Variants in DOCK2 observed in about 807,000 individuals in gnomAD.
DOCK2 encodes the protein dedicator of cytokinesis 2, also known as dedicator of cytokinesis protein 2.
DOCK2 carries 87 observed loss-of-function variants against 248.9 expected under a neutral mutation model. That is an observed-to-expected ratio of 0.35 (90% CI 0.29 to 0.42). DOCK2 has a LOEUF of 0.42. Ranked by LOEUF, DOCK2 falls within the 10% of genes least tolerant of loss-of-function variation. The pLI is 1.00. For missense variants in DOCK2, 1,747 were observed against 2,300.2 expected (o/e 0.76, Z 4.92); for synonymous variants, 805 against 821.6 (o/e 0.98, Z 0.35).
intron 27 of DOCK2, among the ~76,000 whole-genome samples, chr5:169,924,556 G>C (rs1012163799): frequency 6.6e-6 from 1 of 152,140 alleles, no homozygotes; most frequent in African/African-American, 2.4e-5. Flanking sequence ...TAGCAATTTA[G>C]ACTCTCACTG....
rs1006463335 is a variant in DOCK2 at position 169,882,421 on chromosome 5, G to A, written c.2799+41569G>A. 4.1e-5 allele frequency: 30 copies of A among 726,196 alleles called. No homozygotes were observed. The African/African-American group carries it at 5.0e-4, about 12-fold the overall frequency. The allele number at this position is 726,196 out of a possible 1,614,324, so 45.0% of individuals were successfully genotyped here. A position where few individuals can be genotyped will look rare whatever the true frequency, so the allele number is the denominator to read the frequency against. On this transcript the variant is annotated intron_variant, in intron 27 of 51. Coordinates refer to ENST00000520908, the MANE Select transcript of DOCK2 (RefSeq NM_004946.3). Reference sequence around the variant, plus strand: ...AGAGAAAAGGGAGGTCTGTGGTTATGATTTGGAGAAACAACAGTGCTTCAA... The same window carrying A: ...AGAGAAAAGGGAGGTCTGTGGTTATAATTTGGAGAAACAACAGTGCTTCAA...
At chr5:169,866,482 G>C (rs72842505) in intron 27 of DOCK2, among the ~76,000 whole-genome samples, 1 of 152,126 alleles carries the variant, frequency 6.6e-6, no homozygotes, top group Non-Finnish European at 1.5e-5. Context: ...TATACAACAC[G>C]CAGCATAGAG....
At position 170,019,054 on chromosome 5, in the gene DOCK2, A is replaced by G; in HGVS notation, c.3327A>G (p.Pro1109=). The G allele has an allele frequency of 6.2e-7, 1 of 1,614,088 alleles. No individual in the cohort carries two copies. Among genetic ancestry groups the G allele is most frequent in the Non-Finnish European group, 8.5e-7 (1 of 1,179,974 alleles). Residue 1109 remains proline, a synonymous_variant, in exon 33 of 52, where the codon CCA becomes CCG. Coordinates refer to ENST00000520908, the MANE Select transcript of DOCK2 (RefSeq NM_004946.3). ...CTGAGCTCCGGAAAGCCACCATACC[A>G]ATCTTCTTCGACATGATGCTGTGTG... ...PEAELRKATI[P]IFFDMMLCEY...
intron 27 of DOCK2, chr5:169,875,181 T>TA (rs1581337504): frequency 2.2e-6 from 1 of 454,194 alleles, no homozygotes; most frequent in East Asian, 7.0e-5. Context: ...CCTGATTTTT[T>TA]ACCTAAAAAA....
chr5:169,959,838 TACA>T (rs1414976237), intron 27 of DOCK2, among the ~76,000 whole-genome samples: 2 of 152,032 alleles, frequency 1.3e-5, no homozygotes, highest in African/African-American at 4.8e-5. Flanking sequence ...AAATAGGAAA[TACA>T]ACAATAGGAT....
At chr5:169,895,939 TC>T (rs1773573651) in intron 27 of DOCK2, among the ~76,000 whole-genome samples, 1 of 152,180 alleles carries the variant, frequency 6.6e-6, no homozygotes, top group Non-Finnish European at 1.5e-5. Flanking sequence ...CCTGGAGATG[TC>T]CCCGATTACC....
intron 39 of DOCK2, 149 bp downstream of exon 39, chr5:170,046,054 C>A: frequency 1.4e-6 from 1 of 692,558 alleles, no homozygotes; most frequent in Non-Finnish European, 2.5e-6. Context: ...AGAGGCTGTA[C>A]TGAGCATCTC....
At chr5:169,720,574 G>T (rs1762141007) in intron 22 of DOCK2, among the ~76,000 whole-genome samples, 2 of 152,032 alleles carry the variant, frequency 1.3e-5, no homozygotes, top group African/African-American at 4.8e-5. Flanking sequence ...AATCCTCAAG[G>T]GTTCTGAGCT....
intron 25 of DOCK2, among the ~76,000 whole-genome samples, chr5:169,770,290 C>CTTTTTTT (rs60938799): frequency 9.8e-5 from 10 of 101,634 alleles, no homozygotes; most frequent in African/African-American, 1.6e-4. Context: ...ATTCTTGAGT[C>CTTTTTTT]TTTTTTTTTT....
At chr5:169,701,408 GT>G (rs1307870490) in intron 13 of DOCK2, among the ~76,000 whole-genome samples, 1 of 152,138 alleles carries the variant, frequency 6.6e-6, no homozygotes, top group Non-Finnish European at 1.5e-5. Context: ...TTGTCTGGCG[GT>G]TGTCTCCTAG....
At chr5:169,807,833 CA>C (rs61670398) in intron 26 of DOCK2, among the ~76,000 whole-genome samples, 3,102 of 24,016 alleles carry the variant, frequency 0.13, 22 homozygotes, top group Middle Eastern at 0.27. Flanking sequence ...GACTCTGTCT[CA>C]AAAAAAAAAA....
rs377408888 is a variant in DOCK2 at position 169,923,123 on chromosome 5, A to G, written c.2800-59945A>G. ...GATTGTGCCTAGGCTCTCAGGCTCCAAGGCCTATGCTCCTCACCTCTGTGC... is the reference window on the plus strand; with the variant it reads ...GATTGTGCCTAGGCTCTCAGGCTCCGAGGCCTATGCTCCTCACCTCTGTGC... On this transcript the variant is annotated intron_variant, in intron 27 of 51. Coordinates refer to ENST00000520908, the MANE Select transcript of DOCK2 (RefSeq NM_004946.3). Among the ~76,000 whole-genome samples, 567 of 152,262 alleles carry G rather than the reference A, an allele frequency of 3.7e-3. 34 individuals are homozygous for G. The South Asian group carries it at 0.11, about 29-fold the overall frequency.
At chr5:169,714,590 G>A (rs188911419) in intron 19 of DOCK2, 133 bp downstream of exon 19, 16 of 894,560 alleles carry the variant, frequency 1.8e-5, no homozygotes, top group South Asian at 1.6e-4. Context: ...ACACTCTCCC[G>A]AGTTGCCTTG....
chr5:169,737,947 G>T (rs1437091964), intron 22 of DOCK2, among the ~76,000 whole-genome samples: 1 of 152,192 alleles, frequency 6.6e-6, no homozygotes. Flanking sequence ...TTGGTCAGAG[G>T]CACAGGTAAA....
At chr5:169,734,308 A>G (rs1762926781) in intron 22 of DOCK2, among the ~76,000 whole-genome samples, 2 of 152,258 alleles carry the variant, frequency 1.3e-5, no homozygotes, top group African/African-American at 4.8e-5. Context: ...GTTTTGAAGC[A>G]TAGTGAGTGT....
intron 25 of DOCK2, among the ~76,000 whole-genome samples, chr5:169,774,651 G>A (rs1391512479): frequency 2.0e-5 from 3 of 152,178 alleles, no homozygotes; most frequent in Non-Finnish European, 1.5e-5. Flanking sequence ...ATGCTGGGCA[G>A]GTAATACAAA....
intron 26 of DOCK2, among the ~76,000 whole-genome samples, chr5:169,822,872 G>A (rs1285659061): frequency 6.6e-6 from 1 of 152,012 alleles, no homozygotes; most frequent in East Asian, 1.9e-4. Flanking sequence ...TAGACCACTA[G>A]CAAGACTAAT....
At chr5:169,665,723 C>G (rs1196526041) in intron 2 of DOCK2, among the ~76,000 whole-genome samples, 1 of 152,086 alleles carries the variant, frequency 6.6e-6, no homozygotes, top group Non-Finnish European at 1.5e-5. Context: ...GGTGTTATTT[C>G]CCTCACTTTA....
chr5:169,746,864 G>T (rs188238366), intron 22 of DOCK2, among the ~76,000 whole-genome samples: 188 of 152,298 alleles, frequency 1.2e-3, no homozygotes, highest in African/African-American at 4.4e-3. Context: ...TTACAGTGTA[G>T]GGATTTTATA....
Sources: gnomAD v4.1 joint callset for allele counts (sites outside exome capture counted in the v4.1 genomes callset) on GRCh38, gnomAD v4.1.1 for gene constraint, MANE v1.5 for transcripts, NCBI Gene and HGNC (gene_info 2026-07-23, HGNC 2026-07-21) for gene names.